Variants in SAXO1 observed in about 807,000 individuals in gnomAD.
The protein encoded by SAXO1 is stabilizer of axonemal microtubules 1.
Under a neutral mutation model 17.5 loss-of-function variants are expected in SAXO1, and 21 were observed. The ratio of observed to expected loss-of-function variants is 1.20; its 90% confidence interval spans 0.85 to 1.72. The LOEUF (loss-of-function observed/expected upper bound fraction) is 1.72. Ranked by LOEUF, SAXO1 falls within the 40% of genes most tolerant of loss-of-function variation. The pLI, the probability that SAXO1 is intolerant of heterozygous loss-of-function variation, is 0.00. For missense variants in SAXO1, 843 were observed against 596.0 expected (o/e 1.41, Z -4.32); for synonymous variants, 274 against 216.5 (o/e 1.27, Z -2.33).
intron 1 of SAXO1, among the ~76,000 whole-genome samples, chr9:18,969,966 C>G (rs1832884777): frequency 6.6e-6 from 1 of 152,218 alleles, no homozygotes. Flanking sequence ...TTCATTACAT[C>G]TGATTCCTCT....
At chr9:18,982,185 G>C (rs1392504153) in intron 1 of SAXO1, among the ~76,000 whole-genome samples, 3 of 152,194 alleles carry the variant, frequency 2.0e-5, no homozygotes, top group Non-Finnish European at 2.9e-5. Flanking sequence ...TCAATACTAA[G>C]ATGTCCAACC....
At chr9:19,001,344 G>A (rs928461959) in intron 1 of SAXO1, among the ~76,000 whole-genome samples, 1 of 152,094 alleles carries the variant, frequency 6.6e-6, no homozygotes, top group East Asian at 1.9e-4. Context: ...ATGGCTACTG[G>A]GTACATAACG....
chr9:18,945,213 A>G (rs1013112464), intron 2 of SAXO1, among the ~76,000 whole-genome samples: 1 of 151,996 alleles, frequency 6.6e-6, no homozygotes, highest in Non-Finnish European at 1.5e-5. Flanking sequence ...CTCATGTCCC[A>G]CCCATCAGAT....
rs377321419 is a variant in SAXO1 at position 19,013,863 on chromosome 9, A to G, written c.38+19008T>C. Among the ~76,000 whole-genome samples, 14 of 152,238 alleles carry G rather than the reference A, an allele frequency of 9.2e-5. No individual in the cohort carries two copies. The South Asian group carries it at 1.9e-3, about 20-fold the overall frequency. ...CGCCCAGCCCAGATATTTAAAACTC[A>G]TGAGATTTTACATGTTAGCAGCCAA... On this transcript the variant is annotated intron_variant, in intron 1 of 3. Transcript: ENST00000380534.
At chr9:18,975,968 C>A (rs1219726208) in intron 1 of SAXO1, among the ~76,000 whole-genome samples, 1 of 152,186 alleles carries the variant, frequency 6.6e-6, no homozygotes, top group African/African-American at 2.4e-5. Flanking sequence ...AGTACTTTAG[C>A]ACCTCGGCAC....
At chr9:19,006,709 C>T (rs1181943229) in intron 1 of SAXO1, among the ~76,000 whole-genome samples, 1 of 152,204 alleles carries the variant, frequency 6.6e-6, no homozygotes, top group East Asian at 1.9e-4. Context: ...AGCTGCACAA[C>T]ATTGTCAATG....
chr9:19,009,628 C>G (rs1038985505), intron 1 of SAXO1, among the ~76,000 whole-genome samples: 1 of 152,070 alleles, frequency 6.6e-6, no homozygotes, highest in African/African-American at 2.4e-5. Flanking sequence ...GAACAAGCAT[C>G]AGGGAAAATT....
intron 1 of SAXO1, among the ~76,000 whole-genome samples, chr9:18,968,851 C>T (rs1184952202): frequency 6.6e-6 from 1 of 152,142 alleles, no homozygotes; most frequent in African/African-American, 2.4e-5. Context: ...ACCTCAGCCT[C>T]CCAAAGTGCT....
intron 1 of SAXO1, among the ~76,000 whole-genome samples, chr9:19,008,162 A>AG (rs150417583): frequency 0.025 from 3,780 of 152,062 alleles, 147 homozygotes; most frequent in African/African-American, 0.084. Context: ...TTTAGTAGAG[A>AG]GGGGGTTTCA....
At chr9:19,024,042 T>G (rs867772791) in intron 1 of SAXO1, among the ~76,000 whole-genome samples, 38 of 134,198 alleles carry the variant, frequency 2.8e-4, no homozygotes, top group African/African-American at 9.7e-4. Flanking sequence ...TTTTTTTTTT[T>G]GCGGGGGAAA....
chr9:19,030,660 C>T (rs944123502), intron 1 of SAXO1, among the ~76,000 whole-genome samples: 4 of 151,066 alleles, frequency 2.6e-5, no homozygotes, highest in Non-Finnish European at 4.4e-5. Context: ...GAGCAGAGAT[C>T]GCGCCACTGC....
intron 1 of SAXO1, among the ~76,000 whole-genome samples, chr9:19,024,509 G>T (rs1340437533): frequency 6.6e-6 from 1 of 151,844 alleles, no homozygotes; most frequent in Non-Finnish European, 1.5e-5. Flanking sequence ...CGAGTTAATG[G>T]GTGCAGCACA....
intron 3 of SAXO1, among the ~76,000 whole-genome samples, chr9:18,934,876 G>C (rs1294085773): frequency 6.6e-6 from 1 of 152,096 alleles, no homozygotes; most frequent in Non-Finnish European, 1.5e-5. Flanking sequence ...GCAGTGTATG[G>C]CTACCGATAT....
rs867162479 is a variant in SAXO1 at position 18,961,910 on chromosome 9, C to T, written c.39-10973G>A. Among the ~76,000 whole-genome samples, 6 of 152,126 alleles carry T rather than the reference C, an allele frequency of 3.9e-5. No individual in the cohort carries two copies. In the East Asian group the frequency reaches 7.7e-4, roughly 20 times the overall value. On this transcript the variant is annotated intron_variant, in intron 1 of 3. Coordinates refer to ENST00000380534, the MANE Select transcript of SAXO1 (RefSeq NM_153707.4). ...CTGGTTCTAGATCCTTGAGGAATTG[C>T]CACACTGTCTTCCACAATGGTTGAA...
intron 1 of SAXO1, among the ~76,000 whole-genome samples, chr9:18,952,920 A>C (rs1338928733): frequency 6.6e-6 from 1 of 152,238 alleles, no homozygotes; most frequent in Admixed American, 6.5e-5. Flanking sequence ...TGAGAACTTT[A>C]AAGTATCTTC....
In SAXO1 at chr9:18,927,992, A is replaced by G. The variant is rs952010398; in HGVS notation, c.*60T>C. 1 of 1,439,598 alleles carries G rather than the reference A, an allele frequency of 6.9e-7. No homozygotes were observed. Among genetic ancestry groups the G allele is most frequent in the African/African-American group, 1.4e-5 (1 of 70,524 alleles). The allele number at this position is 1,439,598 out of a possible 1,614,324, so 89.2% of individuals were successfully genotyped here. A position where few individuals can be genotyped will look rare whatever the true frequency, so the allele number is the denominator to read the frequency against. ...GGGAATTCTTTTTTGTCCAACAAAT[A>G]ATTCTCAGTTGTCTGCTTTTAAAAG... On this transcript the variant is annotated 3_prime_UTR_variant, in exon 4 of 4. Coordinates refer to ENST00000380534, the MANE Select transcript of SAXO1 (RefSeq NM_153707.4).
chr9:18,991,576 G>A (rs1363484809), intron 1 of SAXO1, among the ~76,000 whole-genome samples: 6 of 152,224 alleles, frequency 3.9e-5, no homozygotes, highest in Middle Eastern at 3.4e-3. Context: ...CGGAGTGGGG[G>A]AAAGGGGGAG....
rs917216277 is a variant in SAXO1 at position 19,027,169 on chromosome 9, CA to C, written c.38+5701del. 1.2e-4 allele frequency: 140 copies of C among 1,194,514 alleles called. 2 individuals are homozygous for C. The African/African-American group carries it at 1.9e-3, about 16-fold the overall frequency. 74.0% of individuals were successfully genotyped at this position (1,194,514 alleles called of 1,614,324 possible). ...CCCAATGATCAAGAGGAGGATGGTC[CA>C]AATATTGACCTGGACTCCCAGAGGA... On this transcript the variant is annotated intron_variant, in intron 1 of 3. Transcript: ENST00000380534.
At chr9:18,984,933 T>C (rs896939335) in intron 1 of SAXO1, among the ~76,000 whole-genome samples, 1 of 152,178 alleles carries the variant, frequency 6.6e-6, no homozygotes, top group Non-Finnish European at 1.5e-5. Flanking sequence ...TGATTTAAAG[T>C]GATAGAGGTG....
Sources: allele counts gnomAD v4.1 joint callset (sites outside exome capture counted in the v4.1 genomes callset), GRCh38; gene constraint gnomAD v4.1.1; transcripts MANE v1.5; gene names NCBI Gene and HGNC (gene_info 2026-07-23, HGNC 2026-07-21).